Variants in USP7 observed in about 807,000 individuals in gnomAD.
USP7 encodes the protein ubiquitin C-terminal hydrolase 7.
Under a neutral mutation model 162.9 loss-of-function variants are expected in USP7, and 9 were observed. That is an observed-to-expected ratio of 0.06 (90% CI 0.03 to 0.10). The LOEUF is 0.10. USP7 is among the 10% of genes least tolerant of loss of function. The pLI is 1.00. For missense variants in USP7, 715 were observed against 1,373.7 expected (o/e 0.52, Z 7.58); for synonymous variants, 562 against 475.9 (o/e 1.18, Z -2.35).
At chr16:8,955,760 T>C (rs1458383862) in intron 1 of USP7, among the ~76,000 whole-genome samples, 1 of 135,964 alleles carries the variant, frequency 7.4e-6, no homozygotes, top group Non-Finnish European at 1.6e-5. Context: ...TCATGAAATA[T>C]AATTTATTCC....
At chr16:8,917,185 ACT>A (rs748802227) in intron 6 of USP7, 29 bp from the exon 7 acceptor site, 11 of 1,572,622 alleles carry the variant, frequency 7.0e-6, no homozygotes. Context: ...AAGAATTTTT[ACT>A]CTGAGAAGAT....
rs564927709 is a variant in USP7, at chr16:8,923,410, G to C, written c.188C>G (p.Thr63Ser). Residue 63 changes from threonine (T) to serine (S), a missense_variant, in exon 3 of 31, where the codon ACC becomes AGC. By Grantham distance (58) the Thr-to-Ser change is moderately conservative. Transcript: ENST00000344836. ...AAAGGTTGCCTCGGAGCGCCAACTG[G>C]TGTCTGCAAAAAAAACACATCATCA... ...NTAEEDMEDD[T>S]SWRSEATFQF... 8 of 1,613,788 alleles carry C rather than the reference G, an allele frequency of 5.0e-6. No homozygotes were observed. Among genetic ancestry groups the C allele is most frequent in the Middle Eastern group, 1.7e-4 (1 of 6,054 alleles).
intron 11 of USP7, among the ~76,000 whole-genome samples, chr16:8,910,013 C>G (rs1187995290): frequency 6.6e-6 from 1 of 152,198 alleles, no homozygotes; most frequent in African/African-American, 2.4e-5. Flanking sequence ...GAGCTGACAG[C>G]TGACTACAAA....
chr16:8,897,722 A>ATACATATATAT lies in USP7; in HGVS notation c.2719-624_2719-623insATATATATGTA, dbSNP rs71155415. On this transcript the variant is annotated intron_variant, in intron 25 of 30. Coordinates refer to ENST00000344836, the MANE Select transcript of USP7 (RefSeq NM_003470.3). Reference sequence around the variant, plus strand: ...ACAAAAAAAAAAAAAAAAAAAAAAAAAAAAATATATATATATATATATATA... The same window carrying ATACATATATAT: ...ACAAAAAAAAAAAAAAAAAAAAAAAATACATATATATAAAAATATATATATATATATATATA... 8.2e-3 allele frequency among the ~76,000 whole-genome samples: 178 copies of ATACATATATAT among 21,626 alleles called. 1 individual carries two copies. Among genetic ancestry groups the ATACATATATAT allele is most frequent in the Non-Finnish European group, 0.011 (150 of 13,574 alleles). 14.2% of individuals were successfully genotyped at this position (21,626 alleles called of 152,430 possible).
chr16:8,957,618 G>A (rs963198768), intron 1 of USP7, among the ~76,000 whole-genome samples: 6 of 151,028 alleles, frequency 4.0e-5, no homozygotes, highest in African/African-American at 1.2e-4. Flanking sequence ...TTAGCCAAAT[G>A]TGGTCACCCT....
At chr16:8,954,670 C>A (rs558054338) in intron 1 of USP7, among the ~76,000 whole-genome samples, 1 of 152,132 alleles carries the variant, frequency 6.6e-6, no homozygotes, top group Non-Finnish European at 1.5e-5. Context: ...TTGAGGTTTG[C>A]GTAGTTTAAT....
At chr16:8,944,229 G>A (rs1051708357) in intron 1 of USP7, among the ~76,000 whole-genome samples, 1 of 95,144 alleles carries the variant, frequency 1.1e-5, no homozygotes, top group Non-Finnish European at 2.2e-5. Flanking sequence ...AGCAACAGAG[G>A]TGCAAAAAAA....
rs2061746625 is a variant in USP7, at chr16:8,899,882, C to A, written c.2310-125G>T. On this transcript the variant is annotated intron_variant, in intron 21 of 30. Transcript: ENST00000344836. ...CTCTCTTGCAAGATAAATTCAGGTT[C>A]CCCTTTGAGGGGGCCAGGCATCTGC... 1.8e-5 allele frequency: 22 copies of A among 1,217,198 alleles called. No homozygotes were observed. In the South Asian group the frequency reaches 2.7e-4, roughly 15 times the overall value. 75.4% of individuals were successfully genotyped at this position (1,217,198 alleles called of 1,614,324 possible). A position where few individuals can be genotyped will look rare whatever the true frequency, so the allele number is the denominator to read the frequency against.
chr16:8,915,173 A>T, intron 10 of USP7, 81 bp downstream of exon 10: 3 of 1,316,244 alleles, frequency 2.3e-6, no homozygotes, highest in Non-Finnish European at 3.1e-6. Flanking sequence ...TATTTAAAAA[A>T]ACATCACTTG....
chr16:8,920,566 A>T, intron 4 of USP7, 119 bp from the exon 5 acceptor site: 1 of 823,150 alleles, frequency 1.2e-6, no homozygotes, highest in East Asian at 2.8e-5. Context: ...TTTTAAATAC[A>T]TCCCAACTTT....
chr16:8,928,968 C>A, intron 2 of USP7, among the ~76,000 whole-genome samples: 1 of 151,860 alleles, frequency 6.6e-6, no homozygotes, highest in East Asian at 1.9e-4. Context: ...CCTCCCACAA[C>A]CAAGAATTAT....
intron 1 of USP7, among the ~76,000 whole-genome samples, chr16:8,933,200 A>G (rs890824377): frequency 6.6e-6 from 1 of 152,128 alleles, no homozygotes; most frequent in Admixed American, 6.6e-5. Context: ...GTGGCCTCTC[A>G]AAGTGCTGGG....
intron 2 of USP7, chr16:8,929,232 G>C: frequency 3.1e-6 from 1 of 324,572 alleles, no homozygotes; most frequent in Non-Finnish European, 6.1e-6. Context: ...AACCGCTTTC[G>C]GCATCTCAGA....
rs554764410 is a variant in USP7, at chr16:8,907,989, AATAAC to A, written c.1271+347_1271+351del. Among the ~76,000 whole-genome samples the A allele has an allele frequency of 2.0e-5, 3 of 152,342 alleles. No individual in the cohort carries two copies. In the South Asian group the frequency reaches 6.2e-4, roughly 32 times the overall value. On this transcript the variant is annotated intron_variant, in intron 12 of 30. Transcript: ENST00000344836. ...CGAATACACTAAAAGTCCCCTCTGA[AATAAC>A]ATTTATAATCGGTCAAAATTAAATT...
intron 6 of USP7, among the ~76,000 whole-genome samples, chr16:8,917,960 T>C (rs1897467163): frequency 6.6e-6 from 1 of 151,982 alleles, no homozygotes; most frequent in Non-Finnish European, 1.5e-5. Context: ...CAGATAATTT[T>C]TTTGTATTTT....
intron 2 of USP7, 115 bp downstream of exon 2, chr16:8,930,178 A>C: frequency 2.8e-6 from 2 of 721,244 alleles, no homozygotes; most frequent in Non-Finnish European, 4.4e-6. Flanking sequence ...CCTCCTGAAA[A>C]CTAGCTACGC....
intron 1 of USP7, chr16:8,936,704 T>C (rs1416402990): frequency 6.9e-7 from 1 of 1,443,228 alleles, no homozygotes; most frequent in Non-Finnish European, 9.1e-7. Flanking sequence ...CTAGGAGCTC[T>C]ACCTCAGCAT....
intron 1 of USP7, among the ~76,000 whole-genome samples, chr16:8,932,926 TAAA>T: frequency 6.6e-6 from 1 of 152,038 alleles, no homozygotes; most frequent in Non-Finnish European, 1.5e-5. Context: ...GCCTATTAAA[TAAA>T]TTATGGCACA....
At chr16:8,915,942 T>C (rs1897344971) in intron 8 of USP7, among the ~76,000 whole-genome samples, 1 of 152,248 alleles carries the variant, frequency 6.6e-6, no homozygotes, top group African/African-American at 2.4e-5. Flanking sequence ...ATCCAGCTAG[T>C]GCTGCAAAAA....
Sources: allele counts gnomAD v4.1 joint callset (sites outside exome capture counted in the v4.1 genomes callset), GRCh38; gene constraint gnomAD v4.1.1; transcripts MANE v1.5; gene names NCBI Gene and HGNC (gene_info 2026-07-23, HGNC 2026-07-21).